The following ZNF445 variants were observed in gnomAD, a reference collection of about 807,000 sequenced individuals.
ZNF445 encodes the protein zinc finger protein 168.
Under a neutral mutation model 93.9 loss-of-function variants are expected in ZNF445, and 19 were observed. The ratio of observed to expected loss-of-function variants is 0.20; its 90% CI spans 0.14 to 0.30. The LOEUF is 0.30. ZNF445 is among the 10% of genes least tolerant of loss of function. The pLI, the probability that ZNF445 is intolerant of heterozygous loss-of-function variation, is 1.00. For synonymous variants in ZNF445, 449 were observed against 446.3 expected (o/e 1.01, Z -0.08); for missense variants, 1,058 against 1,259.4 (o/e 0.84, Z 2.42).
chr3:44,451,174 A>G, intron 4 of ZNF445, 140 bp downstream of exon 4: 1 of 1,184,114 alleles, frequency 8.4e-7, no homozygotes, highest in Non-Finnish European at 1.2e-6. Context: ...TATAGGTTAT[A>G]GAATGGATGG....
rs1697649765 is a variant in ZNF445, at chr3:44,435,109, C to T, written c.*11466G>A. 1 of 152,166 alleles carries T rather than the reference C, an allele frequency of 6.6e-6. No individual in the cohort carries two copies. Among genetic ancestry groups the T allele is most frequent in the African/African-American group, 2.4e-5 (1 of 41,436 alleles). The allele number at this position is 152,166 out of a possible 1,614,324, so 9.4% of individuals were successfully genotyped here. On this transcript the variant is annotated 3_prime_UTR_variant, in exon 8 of 8. Transcript: ENST00000396077. ...CAGATCATGTTAACGCCACCATTTT[C>T]TGCACATATGTCATATGAACCCCAA...
chr3:44,470,108 C>T (rs966159024), intron 1 of ZNF445, among the ~76,000 whole-genome samples: 2 of 151,900 alleles, frequency 1.3e-5, no homozygotes, highest in African/African-American at 2.4e-5. Flanking sequence ...TTTTTTTTAG[C>T]GATAGGGTCT....
chr3:44,447,689 C>A lies in ZNF445; in HGVS notation c.1982G>T (p.Gly661Val). ...KFYKQDECRE[G>V]FRQSPDCSQP... is the part of the protein sequence containing the mutation. ...ACTGCAGTCAGGAGATTGCCTGAAG[C>A]CTTCACGACATTCATCTTGTTTGTA... Residue 661 changes from glycine (G) to valine (V), a missense_variant, in exon 8 of 8, where the codon GGC becomes GTC. Gly to Val is a moderately radical substitution (Grantham distance 109, BLOSUM62 -3). This residue lies in a region of ZNF445 where 387 missense variants were observed against 475.7 expected (regional missense o/e 0.81). Transcript: ENST00000396077. The surrounding 1 kb of genome is among the most constrained non-coding windows in gnomAD (Gnocchi z 4.7). The A allele has an allele frequency of 6.2e-7, 1 of 1,614,140 alleles. No individual in the cohort carries two copies. Among genetic ancestry groups the A allele is most frequent in the Non-Finnish European group, 8.5e-7 (1 of 1,180,038 alleles).
Position 44,448,142 on chromosome 3 carries a change from T to C in ZNF445, c.1529A>G (p.Glu510Gly). ...LAYHQRLHTQEKAFKCRVCGK... is the reference protein window; with the variant it reads ...LAYHQRLHTQGKAFKCRVCGK... ...ACACACCCTACATTTAAATGCTTTC[T>C]CTTGAGTGTGAAGTCTCTGATGATA... is the stretch of plus-strand genomic sequence containing the variant. Residue 510 changes from glutamate (E) to glycine (G), a missense_variant, in exon 8 of 8, where the codon GAG (glutamate) becomes GGG (glycine). Coordinates refer to ENST00000396077, the MANE Select transcript of ZNF445 (RefSeq NM_181489.6). The C allele has an allele frequency of 1.2e-6, 2 of 1,614,186 alleles. No homozygotes were observed. Among genetic ancestry groups the C allele is most frequent in the Non-Finnish European group, 1.7e-6 (2 of 1,180,034 alleles).
rs1176829574 is a variant in ZNF445, at chr3:44,436,850, T to C, written c.*9725A>G. The C allele has an allele frequency of 2.6e-5, 4 of 152,204 alleles. No homozygotes were observed. Among genetic ancestry groups the C allele is most frequent in the African/African-American group, 7.2e-5 (3 of 41,440 alleles). The allele number at this position is 152,204 out of a possible 1,614,324, so 9.4% of individuals were successfully genotyped here. ...CACAAATCTCTGCTTAATTATCCCA[T>C]ATCGAATAATTCAGCTTGATCTGAC... On this transcript the variant is annotated 3_prime_UTR_variant, in exon 8 of 8. Transcript: ENST00000396077.
chr3:44,449,424 G>T, intron 7 of ZNF445, 89 bp downstream of exon 7: 1 of 1,081,898 alleles, frequency 9.2e-7, no homozygotes, highest in Non-Finnish European at 1.4e-6. Context: ...AGCAAACAAT[G>T]GAGTAAATTC....
Position 44,455,536 on chromosome 3 carries a change from C to T in ZNF445, c.14G>A (p.Arg5Lys). Residue 5 changes from arginine to lysine, a missense_variant, in exon 3 of 8, where the codon AGG (arginine) becomes AAG (lysine). Coordinates refer to ENST00000396077, the MANE Select transcript of ZNF445 (RefSeq NM_181489.6). ...CTGAGCTGGATAGGCAGCATGCCACCTGCCTGGAGGCATCACTCCTGTTCA... is the reference window on the plus strand; with the variant it reads ...CTGAGCTGGATAGGCAGCATGCCACTTGCCTGGAGGCATCACTCCTGTTCA... MPPG[R>K]WHAAYPAQAQ... is the part of the protein sequence containing the mutation. 1 of 1,598,928 alleles carries T rather than the reference C, an allele frequency of 6.3e-7. No homozygotes were observed. Among genetic ancestry groups the T allele is most frequent in the Admixed American group, 1.7e-5 (1 of 58,328 alleles).
At position 44,446,376 on chromosome 3, in the gene ZNF445, G is replaced by A. The variant is rs1204299253; in HGVS notation, c.*199C>T. ...CTCCAGAAGGGCTCCAAAGGACATG[G>A]TGCTGCACTTCCCCAGCGTCACATC... is the stretch of plus-strand genomic sequence containing the variant. On this transcript the variant is annotated 3_prime_UTR_variant, in exon 8 of 8. Transcript: ENST00000396077. The surrounding 1 kb of genome is among the most constrained non-coding windows in gnomAD (Gnocchi z 4.2). 1.4e-6 allele frequency: 1 copy of A among 710,282 alleles called. No individual in the cohort carries two copies. Among genetic ancestry groups the A allele is most frequent in the Non-Finnish European group, 2.3e-6 (1 of 442,014 alleles). The allele number at this position is 710,282 out of a possible 1,614,324, so 44.0% of individuals were successfully genotyped here.
intron 2 of ZNF445, among the ~76,000 whole-genome samples, chr3:44,456,846 G>A (rs1254701081): frequency 6.6e-6 from 1 of 152,150 alleles, no homozygotes; most frequent in African/African-American, 2.4e-5. Flanking sequence ...ATAAAATGTG[G>A]TGTCCAAGGG....
intron 1 of ZNF445, among the ~76,000 whole-genome samples, chr3:44,459,764 A>G (rs570745785): frequency 6.6e-6 from 1 of 152,376 alleles, no homozygotes; most frequent in East Asian, 1.9e-4. Flanking sequence ...GGGAAAGATT[A>G]GACTATTCAA....
rs1035157047 is a variant in ZNF445, at chr3:44,440,273, G to C, written c.*6302C>G. 1 of 152,182 alleles carries C rather than the reference G, an allele frequency of 6.6e-6. No homozygotes were observed. Among genetic ancestry groups the C allele is most frequent in the African/African-American group, 2.4e-5 (1 of 41,446 alleles). 9.4% of individuals were successfully genotyped at this position (152,182 alleles called of 1,614,324 possible). On this transcript the variant is annotated 3_prime_UTR_variant, in exon 8 of 8. Coordinates refer to ENST00000396077, the MANE Select transcript of ZNF445 (RefSeq NM_181489.6). Reference sequence around the variant, plus strand: ...AGCAGGGTTAACATTAACTTTAAAAGGTGTGGTAGCTGGCATACAAGTATT... The same window carrying C: ...AGCAGGGTTAACATTAACTTTAAAACGTGTGGTAGCTGGCATACAAGTATT...
chr3:44,454,823 C>G (rs143891133), intron 3 of ZNF445: 7,079 of 403,040 alleles, frequency 0.018, 112 homozygotes, highest in Non-Finnish European at 0.024. Context: ...CCCACCTCAG[C>G]CTCCTAAAGT....
At chr3:44,468,952 G>C (rs1698229726) in intron 1 of ZNF445, among the ~76,000 whole-genome samples, 1 of 151,770 alleles carries the variant, frequency 6.6e-6, no homozygotes, top group South Asian at 2.1e-4. Context: ...GAACCTCTTG[G>C]GAGGTTATAA....
In ZNF445 at chr3:44,467,076, A is replaced by G. The variant is rs75959391; in HGVS notation, c.-268-8712T>C. Among the ~76,000 whole-genome samples, 103 of 152,308 alleles carry G rather than the reference A, an allele frequency of 6.8e-4. 1 individual carries two copies. In the East Asian group the frequency reaches 0.017, roughly 26 times the overall value. ...CTCAGATAACTTTAAAAATTGTGCT[A>G]TTGGAATAGAGAATAAAACAAGCTT... On this transcript the variant is annotated intron_variant, in intron 1 of 7. Coordinates refer to ENST00000396077, the MANE Select transcript of ZNF445 (RefSeq NM_181489.6).
At chr3:44,454,355 T>C (rs559901445) in intron 3 of ZNF445, among the ~76,000 whole-genome samples, 7 of 152,142 alleles carry the variant, frequency 4.6e-5, no homozygotes, top group Non-Finnish European at 1.0e-4. Flanking sequence ...TACAGGGCTA[T>C]GGTTAGTCTC....
In ZNF445 at chr3:44,450,914, G is replaced by A. The variant is rs1359759859; in HGVS notation, c.647C>T (p.Pro216Leu). 36 of 1,599,202 alleles carry A rather than the reference G, an allele frequency of 2.3e-5. No individual in the cohort carries two copies. Among genetic ancestry groups the A allele is most frequent in the Non-Finnish European group, 2.9e-5 (34 of 1,173,480 alleles). ...CCTGGTTGGTGTTACCTGGTCTCCC[G>A]GGCACCCCTCTCTCGGGAAAAGGGC... ...MPALFPREGC[P>L]GDQVTPTRSL... Residue 216 changes from proline to leucine, a missense_variant, in exon 5 of 8, where the codon CCG becomes CTG. Physicochemically the swap from Pro to Leu is moderately conservative, Grantham distance 98 (BLOSUM62 -3). Transcript: ENST00000396077.
At chr3:44,459,933 G>A (rs1171213093) in intron 1 of ZNF445, among the ~76,000 whole-genome samples, 4 of 152,204 alleles carry the variant, frequency 2.6e-5, no homozygotes, top group African/African-American at 9.7e-5. Flanking sequence ...TAGGTGTGGT[G>A]GCTCACACCT....
At position 44,445,106 on chromosome 3, in the gene ZNF445, T is replaced by C. The variant is rs1575306458; in HGVS notation, c.*1469A>G. The C allele has an allele frequency of 6.6e-6, 1 of 152,252 alleles. No individual in the cohort carries two copies. The highest frequency in any genetic ancestry group is 6.5e-5 in the Admixed American group (1 of 15,290). The allele number at this position is 152,252 out of a possible 1,614,324, so 9.4% of individuals were successfully genotyped here. On this transcript the variant is annotated 3_prime_UTR_variant, in exon 8 of 8. Transcript: ENST00000396077. ...AGGCACATGCACTTGTTCCTTCGGG[T>C]TGAATCTGATTGCTAGCACCAGATC...
At position 44,439,727 on chromosome 3, in the gene ZNF445, A is replaced by C. The variant is rs1697771891; in HGVS notation, c.*6848T>G. 1 of 152,218 alleles carries C rather than the reference A, an allele frequency of 6.6e-6. No homozygotes were observed. Among genetic ancestry groups the C allele is most frequent in the East Asian group, 1.9e-4 (1 of 5,200 alleles). 9.4% of individuals were successfully genotyped at this position (152,218 alleles called of 1,614,324 possible). A position where few individuals can be genotyped will look rare whatever the true frequency, so the allele number is the denominator to read the frequency against. On this transcript the variant is annotated 3_prime_UTR_variant, in exon 8 of 8. Coordinates refer to ENST00000396077, the MANE Select transcript of ZNF445 (RefSeq NM_181489.6). ...GGGATCAATAAACTACCATCACTCA[A>C]AACTGGTTCGGATGTTGAAACTGAT...
Sources: gnomAD v4.1 joint callset for allele counts (sites outside exome capture counted in the v4.1 genomes callset) on GRCh38, gnomAD v4.1.1 for gene constraint, gnomAD v4.1.1 regional missense constraint, Gnocchi (gnomAD v3.1) non-coding constraint, MANE v1.5 for transcripts, NCBI Gene and HGNC (gene_info 2026-07-23, HGNC 2026-07-21) for gene names.